The following FHIT variants were observed in gnomAD, a reference collection of about 807,000 sequenced individuals.
FHIT encodes fragile histidine triad diadenosine triphosphatase.
FHIT carries 19 observed loss-of-function variants against 17.9 expected under a neutral mutation model. The observed-to-expected ratio is 1.06, with a 90% confidence interval of 0.74 to 1.56. The LOEUF (loss-of-function observed/expected upper bound fraction) is 1.56. FHIT is among the 40% of genes most tolerant of loss of function. The probability of loss-of-function intolerance (pLI) is 0.00; values close to 1 mark genes in which losing one functional copy is unlikely to be tolerated. For missense variants in FHIT, 248 were observed against 189.2 expected (o/e 1.31, Z -1.82); for synonymous variants, 81 against 69.7 (o/e 1.16, Z -0.81).
At chr3:60,629,419 T>G (rs1431797058) in intron 4 of FHIT, among the ~76,000 whole-genome samples, 1 of 152,222 alleles carries the variant, frequency 6.6e-6, no homozygotes. Context: ...AGTTTCTTTA[T>G]ATTTTTCATC....
chr3:60,445,831 C>A (rs1385237921), intron 5 of FHIT, among the ~76,000 whole-genome samples: 1 of 152,026 alleles, frequency 6.6e-6, no homozygotes, highest in Non-Finnish European at 1.5e-5. Flanking sequence ...GCAAGACTCC[C>A]TGTTATCCCT....
At chr3:59,914,867 G>A (rs1356143489) in intron 8 of FHIT, among the ~76,000 whole-genome samples, 4 of 150,984 alleles carry the variant, frequency 2.6e-5, no homozygotes, top group African/African-American at 9.8e-5. Context: ...AAGTAAAATA[G>A]ATTTGGAAAA....
intron 5 of FHIT, among the ~76,000 whole-genome samples, chr3:60,527,522 A>T (rs553373878): frequency 6.6e-6 from 1 of 152,338 alleles, no homozygotes; most frequent in East Asian, 1.9e-4. Flanking sequence ...GACCCATTTT[A>T]TCTCAGAGCA....
intron 4 of FHIT, among the ~76,000 whole-genome samples, chr3:60,608,140 G>A (rs1234975562): frequency 1.3e-5 from 2 of 152,072 alleles, no homozygotes; most frequent in Non-Finnish European, 2.9e-5. Context: ...GTCTGCTCAC[G>A]CAGAGGACAA....
At chr3:60,503,978 C>T (rs531417695) in intron 5 of FHIT, among the ~76,000 whole-genome samples, 1 of 152,118 alleles carries the variant, frequency 6.6e-6, no homozygotes, top group East Asian at 1.9e-4. Context: ...AGCAAATAAG[C>T]CTTATTTTAC....
At chr3:60,625,234 A>G (rs1403558532) in intron 4 of FHIT, among the ~76,000 whole-genome samples, 1 of 152,200 alleles carries the variant, frequency 6.6e-6, no homozygotes, top group Non-Finnish European at 1.5e-5. Flanking sequence ...AGCAAATTTA[A>G]TGTTGCTATG....
intron 5 of FHIT, among the ~76,000 whole-genome samples, chr3:60,312,776 G>C (rs923476312): frequency 2.0e-5 from 3 of 152,054 alleles, no homozygotes; most frequent in African/African-American, 7.2e-5. Context: ...ATATACATAC[G>C]TATATACACA....
intron 5 of FHIT, among the ~76,000 whole-genome samples, chr3:60,230,366 T>C (rs1704432875): frequency 6.6e-6 from 1 of 152,222 alleles, no homozygotes; most frequent in African/African-American, 2.4e-5. Context: ...AGTGAATACC[T>C]GGAACTACTA....
intron 5 of FHIT, among the ~76,000 whole-genome samples, chr3:60,336,190 T>C (rs746013621): frequency 5.9e-5 from 9 of 152,168 alleles, no homozygotes; most frequent in Non-Finnish European, 1.2e-4. Flanking sequence ...CCGAACCAAG[T>C]TGGGGCTGCT....
chr3:60,084,350 C>G (rs1431774880), intron 5 of FHIT, among the ~76,000 whole-genome samples: 1 of 152,106 alleles, frequency 6.6e-6, no homozygotes, highest in Admixed American at 6.6e-5. Context: ...ATCCATTTCC[C>G]CAGTTCCAAC....
chr3:60,875,256 C>T (rs1575629120), intron 3 of FHIT, among the ~76,000 whole-genome samples: 1 of 152,316 alleles, frequency 6.6e-6, no homozygotes, highest in East Asian at 1.9e-4. Flanking sequence ...ATTCATTTTT[C>T]TGTACCATGT....
At chr3:61,143,896 A>G (rs1171843298) in intron 2 of FHIT, among the ~76,000 whole-genome samples, 1 of 151,974 alleles carries the variant, frequency 6.6e-6, no homozygotes, top group Non-Finnish European at 1.5e-5. Context: ...AAAACTGCAG[A>G]TCTGTTTTTG....
intron 5 of FHIT, among the ~76,000 whole-genome samples, chr3:60,105,341 C>A (rs1288104909): frequency 6.6e-6 from 1 of 152,200 alleles, no homozygotes; most frequent in Non-Finnish European, 1.5e-5. Flanking sequence ...TACTCACACA[C>A]AAAATCTCTC....
intron 4 of FHIT, among the ~76,000 whole-genome samples, chr3:60,761,087 G>A (rs1467681168): frequency 2.6e-5 from 4 of 151,012 alleles, no homozygotes; most frequent in Non-Finnish European, 5.9e-5. Flanking sequence ...GAAGGGGGAG[G>A]GGGGAAAGAC....
At chr3:60,610,856 G>A (rs1006256809) in intron 4 of FHIT, among the ~76,000 whole-genome samples, 1 of 152,144 alleles carries the variant, frequency 6.6e-6, no homozygotes, top group Non-Finnish European at 1.5e-5. Context: ...CTCTTGGGAG[G>A]AGGCATGGTG....
At chr3:60,814,079 G>A (rs1335096028) in intron 4 of FHIT, among the ~76,000 whole-genome samples, 2 of 151,566 alleles carry the variant, frequency 1.3e-5, no homozygotes, top group Non-Finnish European at 2.9e-5. Flanking sequence ...ATTTTTATTT[G>A]TTTGGTTTCT....
At chr3:60,009,786 T>A (rs528672319) in intron 7 of FHIT, among the ~76,000 whole-genome samples, 21 of 152,276 alleles carry the variant, frequency 1.4e-4, no homozygotes, top group African/African-American at 4.8e-4. Context: ...TTAGGAATCA[T>A]TCCCCATTCC....
At chr3:60,074,451 A>T (rs947824146) in intron 5 of FHIT, among the ~76,000 whole-genome samples, 4 of 152,098 alleles carry the variant, frequency 2.6e-5, no homozygotes, top group Non-Finnish European at 4.4e-5. Flanking sequence ...AGAGCAAAGC[A>T]TCAAAAGTTC....
intron 3 of FHIT, among the ~76,000 whole-genome samples, chr3:60,864,449 G>C (rs1368962860): frequency 6.6e-6 from 1 of 152,150 alleles, no homozygotes; most frequent in African/African-American, 2.4e-5. Flanking sequence ...TTGCAGAAGG[G>C]TGAGGAGGCC....
Sources: gnomAD v4.1 joint callset for allele counts (sites outside exome capture counted in the v4.1 genomes callset) on GRCh38, gnomAD v4.1.1 for gene constraint, MANE v1.5 for transcripts, NCBI Gene and HGNC (gene_info 2026-07-23, HGNC 2026-07-21) for gene names.